Variants in FAM13B observed in about 807,000 individuals in gnomAD.
FAM13B encodes the protein family with sequence similarity 13 member B, also known as protein FAM13B.
Under a neutral mutation model 117.3 loss-of-function variants are expected in FAM13B, and 60 were observed. The observed-to-expected ratio is 0.51, with a 90% confidence interval of 0.42 to 0.63. The LOEUF is 0.63. FAM13B is among the 30% of genes least tolerant of loss of function. The pLI is 0.00. For synonymous variants in FAM13B, 332 were observed against 356.1 expected (o/e 0.93, Z 0.76); for missense variants, 972 against 1,091.9 (o/e 0.89, Z 1.55).
intron 1 of FAM13B, among the ~76,000 whole-genome samples, chr5:138,040,957 G>A (rs560577229): frequency 2.0e-5 from 3 of 151,156 alleles, no homozygotes; most frequent in East Asian, 2.0e-4. Flanking sequence ...CCAGCTACTC[G>A]AGAGGCTAAG....
chr5:137,971,957 G>A (rs1244287871), intron 10 of FAM13B, among the ~76,000 whole-genome samples: 1 of 151,728 alleles, frequency 6.6e-6, no homozygotes, highest in African/African-American at 2.4e-5. Context: ...AGCTGAAATT[G>A]TGGCAATAAT....
chr5:137,988,097 T>C (rs1394962649), intron 8 of FAM13B, among the ~76,000 whole-genome samples, 177 bp downstream of exon 8: 1 of 152,222 alleles, frequency 6.6e-6, no homozygotes, highest in African/African-American at 2.4e-5. Flanking sequence ...CTTTATTTTG[T>C]ATAGTAATGC....
At chr5:138,012,437 A>G (rs1407565130) in intron 4 of FAM13B, among the ~76,000 whole-genome samples, 1 of 152,216 alleles carries the variant, frequency 6.6e-6, no homozygotes, top group Non-Finnish European at 1.5e-5. Context: ...GAAAAAGGTA[A>G]CAGTGTGATT....
Position 137,941,216 on chromosome 5 carries a change from A to AT in FAM13B, c.2690+727dup, listed in dbSNP as rs1053711249. Among the ~76,000 whole-genome samples, 9 of 151,566 alleles carry AT rather than the reference A, an allele frequency of 5.9e-5. No homozygotes were observed. The East Asian group carries it at 7.8e-4, about 13-fold the overall frequency. On this transcript the variant is annotated intron_variant, in intron 23 of 23. Transcript: ENST00000689681. ...AGCCACTGCGCCTGGCCCACTTCAG[A>AT]TTTTTTTTTAACCATATGTGCCAAC...
Position 137,964,622 on chromosome 5 carries a change from G to A in FAM13B, c.1180-2153C>T, listed in dbSNP as rs147086504. 3.6e-3 allele frequency among the ~76,000 whole-genome samples: 550 copies of A among 152,030 alleles called. 4 individuals carry two copies. The highest frequency in any genetic ancestry group is 0.013 in the African/African-American group (528 of 41,502). On this transcript the variant is annotated intron_variant, in intron 10 of 23. Coordinates refer to ENST00000689681, the MANE Select transcript of FAM13B (RefSeq NM_001385994.1). ...TGTAGTCCCAGCTACTCGGGAGACT[G>A]AGACAGGAGAATTGCTTGAACCCAG...
At chr5:137,951,774 C>T (rs1012954757) in intron 17 of FAM13B, among the ~76,000 whole-genome samples, 1 of 151,920 alleles carries the variant, frequency 6.6e-6, no homozygotes, top group Non-Finnish European at 1.5e-5. Context: ...CCCAAGAGTT[C>T]GAGACCAGCC....
chr5:137,987,083 A>C (rs1457784020), intron 9 of FAM13B, among the ~76,000 whole-genome samples: 1 of 152,216 alleles, frequency 6.6e-6, no homozygotes, highest in East Asian at 1.9e-4. Context: ...TATATGCACT[A>C]TAGTGATATC....
chr5:138,002,587 A>G (rs1163042724), intron 7 of FAM13B, among the ~76,000 whole-genome samples: 1 of 152,168 alleles, frequency 6.6e-6, no homozygotes, highest in Non-Finnish European at 1.5e-5. Flanking sequence ...ACATGCAAAA[A>G]TAAATATCTC....
intron 1 of FAM13B, among the ~76,000 whole-genome samples, chr5:138,045,171 T>C (rs1372230659): frequency 1.3e-5 from 2 of 152,008 alleles, no homozygotes; most frequent in Non-Finnish European, 2.9e-5. Flanking sequence ...ATTCTAATAG[T>C]CCAAAAATGG....
rs563850995 is a variant in FAM13B at position 138,003,634 on chromosome 5, C to T, written c.848+3356G>A. Reference sequence around the variant, plus strand: ...ATGGGAAACTAGCTCCTCCCTCCATCCCGCACCGTCCTCAGAGACACATAA... The same window carrying T: ...ATGGGAAACTAGCTCCTCCCTCCATTCCGCACCGTCCTCAGAGACACATAA... On this transcript the variant is annotated intron_variant, in intron 7 of 23. Coordinates refer to ENST00000689681, the MANE Select transcript of FAM13B (RefSeq NM_001385994.1). Among the ~76,000 whole-genome samples, 7 of 152,250 alleles carry T rather than the reference C, an allele frequency of 4.6e-5. No individual in the cohort carries two copies. In the South Asian group the frequency reaches 1.5e-3, roughly 32 times the overall value.
chr5:137,965,400 G>A (rs2150334284), intron 10 of FAM13B, among the ~76,000 whole-genome samples: 1 of 152,256 alleles, frequency 6.6e-6, no homozygotes, highest in African/African-American at 2.4e-5. Context: ...TATCTTAGGA[G>A]CTATCGGAGA....
rs1786608683 is a variant in FAM13B at position 138,021,146 on chromosome 5, G to A, written c.-151C>T. On this transcript the variant is annotated 5_prime_UTR_variant, in exon 2 of 24. Transcript: ENST00000689681. ...TGAGATTATGGCAGAAGATCAGCCTGTAGTTCCTCATTGAAGAAATGCAGA... is the reference window on the plus strand; with the variant it reads ...TGAGATTATGGCAGAAGATCAGCCTATAGTTCCTCATTGAAGAAATGCAGA... The A allele has an allele frequency of 8.1e-7, 1 of 1,231,544 alleles. No homozygotes were observed. Among genetic ancestry groups the A allele is most frequent in the Admixed American group, 4.2e-5 (1 of 23,694 alleles). The allele number at this position is 1,231,544 out of a possible 1,614,324, so 76.3% of individuals were successfully genotyped here. A position where few individuals can be genotyped will look rare whatever the true frequency, so the allele number is the denominator to read the frequency against.
At chr5:137,985,011 T>C (rs764047724) in intron 10 of FAM13B, among the ~76,000 whole-genome samples, 2 of 152,084 alleles carry the variant, frequency 1.3e-5, no homozygotes, top group Non-Finnish European at 2.9e-5. Flanking sequence ...CCTCATGATC[T>C]GCCCGCCTTG....
intron 18 of FAM13B, among the ~76,000 whole-genome samples, chr5:137,947,273 T>C (rs1463726771): frequency 3.3e-5 from 5 of 152,230 alleles, no homozygotes; most frequent in African/African-American, 1.2e-4. Flanking sequence ...ATTCACTGGA[T>C]AACATCTTGC....
Position 137,987,054 on chromosome 5 carries a change from C to T in FAM13B, c.1046+407G>A, listed in dbSNP as rs1777413387. 2.0e-5 allele frequency among the ~76,000 whole-genome samples: 3 copies of T among 152,146 alleles called. No individual in the cohort carries two copies. In the South Asian group the frequency reaches 6.2e-4, roughly 32 times the overall value. On this transcript the variant is annotated intron_variant, in intron 9 of 23. Coordinates refer to ENST00000689681, the MANE Select transcript of FAM13B (RefSeq NM_001385994.1). ...TTAAATAGCAAAGGATGATTCTGCC[C>T]ACCATTTCACTCAATGATTATATGC...
At chr5:137,951,756 C>T (rs1765109163) in intron 17 of FAM13B, among the ~76,000 whole-genome samples, 2 of 152,028 alleles carry the variant, frequency 1.3e-5, no homozygotes, top group Admixed American at 1.3e-4. Context: ...GCAGGGGGAT[C>T]GCTTGAGCCC....
intron 1 of FAM13B, among the ~76,000 whole-genome samples, chr5:138,049,377 G>T (rs1581337079): frequency 6.6e-6 from 1 of 152,106 alleles, no homozygotes; most frequent in Non-Finnish European, 1.5e-5. Context: ...GGGTTCAAGC[G>T]ATTCTCCTGC....
rs577280714 is a variant in FAM13B, at chr5:138,018,435, G to A, written c.237C>T (p.Ser79=). Residue 79 remains serine (S), a synonymous_variant, in exon 4 of 24, where the codon AGC becomes AGT. Transcript: ENST00000689681. Reference sequence around the variant, plus strand: ...CCTTAACCAAATCCACCTCTTCTCCGCTGTCGTATCTCTGCCGAAGCCACT... The same window carrying A: ...CCTTAACCAAATCCACCTCTTCTCCACTGTCGTATCTCTGCCGAAGCCACT... ...TVEWLRQRYD[S]GEEVDLVKEA... 3.7e-5 allele frequency: 59 copies of A among 1,614,060 alleles called. No homozygotes were observed. The highest frequency in any genetic ancestry group is 4.5e-5 in the Non-Finnish European group (53 of 1,179,998).
At chr5:138,016,874 T>C (rs1286974268) in intron 4 of FAM13B, among the ~76,000 whole-genome samples, 2 of 152,328 alleles carry the variant, frequency 1.3e-5, no homozygotes, top group East Asian at 1.9e-4. Context: ...ATAAAGAGAA[T>C]GGCTCTAGAG....
Sources: gnomAD v4.1 joint callset for allele counts (sites outside exome capture counted in the v4.1 genomes callset) on GRCh38, gnomAD v4.1.1 for gene constraint, MANE v1.5 for transcripts, NCBI Gene and HGNC (gene_info 2026-07-23, HGNC 2026-07-21) for gene names.